Variants in FXYD5 observed in about 807,000 individuals in gnomAD.
The protein encoded by FXYD5 is FXYD domain-containing ion transport regulator 5.
In FXYD5, 21 loss-of-function variants were observed where a neutral mutation model predicts 25.7. The ratio of observed to expected loss-of-function variants is 0.82; its 90% confidence interval spans 0.58 to 1.18. FXYD5 has a LOEUF of 1.18. Among genes scored for constraint, FXYD5 ranks in the 50% most tolerant of loss-of-function variants. The probability of loss-of-function intolerance (pLI) is 0.00; values close to 1 mark genes in which losing one functional copy is unlikely to be tolerated. For synonymous variants in FXYD5, 101 were observed against 90.7 expected, an observed-to-expected ratio of 1.11 and a Z score of -0.64; for missense variants, 229 against 227.7, an observed-to-expected ratio of 1.01 and a Z score of -0.04.
chr19:35,164,402 T>C (rs1202429335), intron 6 of FXYD5, among the ~76,000 whole-genome samples, 157 bp downstream of exon 6: 1 of 152,196 alleles, frequency 6.6e-6, no homozygotes, highest in East Asian at 1.9e-4. Flanking sequence ...ACATGATAAA[T>C]GTCTGAATAG....
At chr19:35,159,952 A>T in intron 4 of FXYD5, 1 of 229,872 alleles carries the variant, frequency 4.4e-6, no homozygotes, top group Non-Finnish European at 8.4e-6. Flanking sequence ...CATGCCTGTC[A>T]TCCCAGCACT....
At chr19:35,166,074 T>G (rs2065447495) in intron 6 of FXYD5, 68 bp from the exon 7 acceptor site, 1 of 1,484,048 alleles carries the variant, frequency 6.7e-7, no homozygotes. Flanking sequence ...TTTCCTGACT[T>G]TGCCATTCAC....
intron 2 of FXYD5, among the ~76,000 whole-genome samples, 162 bp from the exon 3 acceptor site, chr19:35,157,259 G>A (rs1232441093): frequency 6.6e-6 from 1 of 152,120 alleles, no homozygotes; most frequent in African/African-American, 2.4e-5. Flanking sequence ...CCAGGCATTG[G>A]CATAGCTGAA....
chr19:35,159,661 T>G, intron 4 of FXYD5: 1 of 1,541,060 alleles, frequency 6.5e-7, no homozygotes, highest in Non-Finnish European at 8.7e-7. Context: ...GTACTGACTA[T>G]GTGCTGGTCA....
chr19:35,160,677 T>C (rs757925532), intron 4 of FXYD5, 32 bp from the exon 5 acceptor site: 13 of 1,451,614 alleles, frequency 9.0e-6, no homozygotes, highest in Non-Finnish European at 1.3e-5. Context: ...CTCTTTCTTA[T>C]CCTTCCCTCC....
At chr19:35,168,042 G>C (rs554258903) in intron 8 of FXYD5, among the ~76,000 whole-genome samples, 1 of 150,904 alleles carries the variant, frequency 6.6e-6, no homozygotes, top group East Asian at 2.0e-4. Flanking sequence ...AAAATAGCAA[G>C]ACCCTATCTC....
At chr19:35,162,929 T>C (rs2065418602) in intron 5 of FXYD5, among the ~76,000 whole-genome samples, 1 of 152,218 alleles carries the variant, frequency 6.6e-6, no homozygotes, top group Non-Finnish European at 1.5e-5. Flanking sequence ...TGCTGAGAGC[T>C]TGTTCATGCT....
At position 35,166,449 on chromosome 19, in the gene FXYD5, C is replaced by T. The variant is rs749245946; in HGVS notation, c.487+124C>T. On this transcript the variant is annotated intron_variant, in intron 8 of 8. Coordinates refer to ENST00000392219, the MANE Select transcript of FXYD5 (RefSeq NM_014164.6). Reference sequence around the variant, plus strand: ...ATGAGGTATCTATTAGCTGCATATACATACAAACCACCACAGAATTCAGTG... The same window carrying T: ...ATGAGGTATCTATTAGCTGCATATATATACAAACCACCACAGAATTCAGTG... 1.4e-5 allele frequency: 9 copies of T among 639,286 alleles called. No homozygotes were observed. The East Asian group carries it at 2.4e-4, about 17-fold the overall frequency. The allele number at this position is 639,286 out of a possible 1,614,324, so 39.6% of individuals were successfully genotyped here. A position where few individuals can be genotyped will look rare whatever the true frequency, so the allele number is the denominator to read the frequency against.
intron 8 of FXYD5, among the ~76,000 whole-genome samples, chr19:35,167,020 C>T (rs898454268): frequency 1.3e-5 from 2 of 152,186 alleles, no homozygotes; most frequent in Admixed American, 1.3e-4. Context: ...CAACCCCACC[C>T]ACTCAATCCA....
chr19:35,163,114 C>G (rs1443972346), intron 5 of FXYD5, among the ~76,000 whole-genome samples: 1 of 152,256 alleles, frequency 6.6e-6, no homozygotes, highest in East Asian at 1.9e-4. Context: ...TGAGTCCAGA[C>G]TGTCTCACCC....
intron 6 of FXYD5, among the ~76,000 whole-genome samples, chr19:35,165,740 C>CATTTTGG (rs113906794): frequency 1.3e-5 from 2 of 152,122 alleles, no homozygotes; most frequent in African/African-American, 4.8e-5. Flanking sequence ...GATTTGGGGA[C>CATTTTGG]ATTTTGGATT....
intron 4 of FXYD5, chr19:35,160,105 A>T (rs576758599): frequency 6.0e-6 from 1 of 166,632 alleles, no homozygotes; most frequent in South Asian, 1.6e-4. Context: ...GCTACCTGGG[A>T]GGCTAAGGCG....
intron 8 of FXYD5, among the ~76,000 whole-genome samples, chr19:35,168,588 G>A (rs967522578): frequency 6.6e-6 from 1 of 152,154 alleles, no homozygotes; most frequent in Non-Finnish European, 1.5e-5. Flanking sequence ...AAGGGTGGCA[G>A]GTGTTTTCTA....
At chr19:35,168,131 C>T (rs1453845061) in intron 8 of FXYD5, among the ~76,000 whole-genome samples, 1 of 151,710 alleles carries the variant, frequency 6.6e-6, no homozygotes, top group Admixed American at 6.6e-5. Context: ...AGAGCAGAGC[C>T]TGAACGTTAG....
chr19:35,160,853 T>C (rs779250775), intron 5 of FXYD5, 52 bp downstream of exon 5: 9 of 1,102,696 alleles, frequency 8.2e-6, no homozygotes, highest in Non-Finnish European at 1.3e-5. Context: ...TAATTCTCTA[T>C]CTAGGTCAAC....
At chr19:35,168,464 G>A (rs2065469836) in intron 8 of FXYD5, among the ~76,000 whole-genome samples, 2 of 152,210 alleles carry the variant, frequency 1.3e-5, no homozygotes, top group South Asian at 4.1e-4. Flanking sequence ...AGCCCTGGAG[G>A]CAGGAATGAG....
chr19:35,164,678 G>A (rs1316401336), intron 6 of FXYD5, among the ~76,000 whole-genome samples: 1 of 152,106 alleles, frequency 6.6e-6, no homozygotes, highest in Non-Finnish European at 1.5e-5. Context: ...CCCAGTGAAT[G>A]AATGGAAATG....
At chr19:35,163,542 C>T (rs187239821) in intron 5 of FXYD5, among the ~76,000 whole-genome samples, 5 of 151,820 alleles carry the variant, frequency 3.3e-5, no homozygotes, top group East Asian at 1.9e-4. Context: ...AGTGCAGTGG[C>T]GAAATCTTGG....
Position 35,157,413 on chromosome 19 carries a change from T to C in FXYD5, c.62-8T>C. 6.5e-7 allele frequency: 1 copy of C among 1,531,628 alleles called. No homozygotes were observed. The highest frequency in any genetic ancestry group is 9.0e-7 in the Non-Finnish European group (1 of 1,105,976). The allele number at this position is 1,531,628 out of a possible 1,614,324, so 94.9% of individuals were successfully genotyped here. On this transcript the variant is annotated splice_region_variant and splice_polypyrimidine_tract_variant and intron_variant, in intron 2 of 8. Coordinates refer to ENST00000392219, the MANE Select transcript of FXYD5 (RefSeq NM_014164.6). Reference sequence around the variant, plus strand: ...CTCCCTCCTGACTTCTCATCCTTGATTCCCCAGGACAGACGTTGAAAGATA... The same window carrying C: ...CTCCCTCCTGACTTCTCATCCTTGACTCCCCAGGACAGACGTTGAAAGATA...
Sources: gnomAD v4.1 joint callset for allele counts (sites outside exome capture counted in the v4.1 genomes callset) on GRCh38, gnomAD v4.1.1 for gene constraint, MANE v1.5 for transcripts, NCBI Gene and HGNC (gene_info 2026-07-23, HGNC 2026-07-21) for gene names.